The following DIRAS3 variants were observed in gnomAD, a reference collection of about 807,000 sequenced individuals.
The protein encoded by DIRAS3 is GTP-binding protein Di-Ras3.
For synonymous variants in DIRAS3, 133 were observed against 131.4 expected (o/e 1.01, Z -0.08); for missense variants, 248 against 300.6 (o/e 0.83, Z 1.29).
At chr1:68,048,317 A>G (rs1645699442) in intron 1 of DIRAS3, among the ~76,000 whole-genome samples, 1 of 152,004 alleles carries the variant, frequency 6.6e-6, no homozygotes. Context: ...TCACAGGTAT[A>G]TCCTAAATAC....
At position 68,050,087 on chromosome 1, in the gene DIRAS3, G is replaced by T. The variant is rs1645718916; in HGVS notation, c.-66+461C>A. Among the ~76,000 whole-genome samples the T allele has an allele frequency of 6.6e-6, 1 of 151,854 alleles. No homozygotes were observed. The highest frequency in any genetic ancestry group is 1.5e-5 in the Non-Finnish European group (1 of 68,004). ...ACCCAGCGGCCGTGCGGAGCTCAAG[G>T]TCCCGCCGCTGCTGTTGCGGCACCA... On this transcript the variant is annotated intron_variant, in intron 1 of 1. Transcript: ENST00000646789. The surrounding 1 kb of genome is among the most constrained non-coding windows in gnomAD (Gnocchi z 4.5).
At chr1:68,048,320 C>T (rs1645699510) in intron 1 of DIRAS3, among the ~76,000 whole-genome samples, 2 of 151,798 alleles carry the variant, frequency 1.3e-5, no homozygotes, top group Non-Finnish European at 2.9e-5. Context: ...CAGGTATATC[C>T]TAAATACCAG....
chr1:68,047,246 G>A lies in DIRAS3; in HGVS notation c.52C>T (p.Arg18Trp), dbSNP rs201640477. 2.5e-6 allele frequency: 4 copies of A among 1,613,906 alleles called. No homozygotes were observed. The highest frequency in any genetic ancestry group is 3.3e-5 in the Admixed American group (2 of 60,028). ...AGGATAAGCAGGGCGGGCAGAAGCC[G>A]CAACCGCTTCAGCAGCTTCTGTTCC... ...SKEQKLLKRLRLLPALLILRA... is the reference protein window; with the variant it reads ...SKEQKLLKRLWLLPALLILRA... The change falls in exon 2 of 2, where the codon CGG becomes TGG. Residue 18 changes from arginine (R) to tryptophan (W), a missense_variant. By Grantham distance (101) the Arg-to-Trp change is moderately radical. Coordinates refer to ENST00000646789, the MANE Select transcript of DIRAS3 (RefSeq NM_004675.5).
Position 68,050,015 on chromosome 1 carries a change from C to T in DIRAS3, c.-66+533G>A, listed in dbSNP as rs1645718055. On this transcript the variant is annotated intron_variant, in intron 1 of 1. Transcript: ENST00000646789. The surrounding 1 kb of genome is among the most constrained non-coding windows in gnomAD (Gnocchi z 4.5). ...TCCACCTTCCCAGGCCACCTGGCCT[C>T]AGGCTGAGGGGGAGGTGAAAGTTTC... Among the ~76,000 whole-genome samples the T allele has an allele frequency of 6.7e-6, 1 of 149,778 alleles. No individual in the cohort carries two copies. Among genetic ancestry groups the T allele is most frequent in the Non-Finnish European group, 1.5e-5 (1 of 67,562 alleles).
In DIRAS3 at chr1:68,047,159, C is replaced by T. The variant is rs1484264302; in HGVS notation, c.139G>A (p.Gly47Ser). 1 of 1,614,162 alleles carries T rather than the reference C, an allele frequency of 6.2e-7. No homozygotes were observed. Among genetic ancestry groups the T allele is most frequent in the Admixed American group, 1.7e-5 (1 of 60,026 alleles). The change falls in exon 2 of 2, where the codon GGT (glycine) becomes AGT (serine). Residue 47 changes from glycine (G) to serine (S), a missense_variant. Physicochemically the swap from Gly to Ser is moderately conservative, Grantham distance 56 (BLOSUM62 0). Coordinates refer to ENST00000646789, the MANE Select transcript of DIRAS3 (RefSeq NM_004675.5). ...TGCAGCAGCGTACTTTTCCCCACAC[C>T]AGCGGTGCCGACTACCACGACGCGG... Reference protein sequence around the residue: ...DYRVVVVGTAGVGKSTLLHKW... With the variant: ...DYRVVVVGTASVGKSTLLHKW...
chr1:68,047,495 G>T (rs1047981429), intron 1 of DIRAS3, 133 bp from the exon 2 acceptor site: 6 of 593,718 alleles, frequency 1.0e-5, no homozygotes, highest in Non-Finnish European at 1.8e-5. Context: ...TGCACACAGC[G>T]AGAAGAAAAT....
intron 1 of DIRAS3, among the ~76,000 whole-genome samples, chr1:68,048,049 A>AATATAT (rs57871159): frequency 0.13 from 960 of 7,248 alleles, 141 homozygotes; most frequent in South Asian, 0.18. Context: ...AAAAAAAAAA[A>AATATAT]ATATATATAT....
rs1172564991 is a variant in DIRAS3, at chr1:68,046,599, G to C, written c.*9C>G. 6.2e-7 allele frequency: 1 copy of C among 1,612,570 alleles called. No homozygotes were observed. Among genetic ancestry groups the C allele is most frequent in the Non-Finnish European group, 8.5e-7 (1 of 1,179,276 alleles). ...AGGATAGGAAGAGCTGGCTCTTAAG[G>C]CCCAGGGCTCACATGATTATGCACT... On this transcript the variant is annotated 3_prime_UTR_variant, in exon 2 of 2. Coordinates refer to ENST00000646789, the MANE Select transcript of DIRAS3 (RefSeq NM_004675.5).
At position 68,046,550 on chromosome 1, in the gene DIRAS3, G is replaced by A. The variant is rs1391656537; in HGVS notation, c.*58C>T. ...CCATGTACATGTAACATAGTGAAAT[G>A]AGTCCACGTTTTCTACACGCTACAG... On this transcript the variant is annotated 3_prime_UTR_variant, in exon 2 of 2. Transcript: ENST00000646789. 4 of 1,483,194 alleles carry A rather than the reference G, an allele frequency of 2.7e-6. No individual in the cohort carries two copies. In the East Asian group the frequency reaches 6.8e-5, roughly 25 times the overall value. 91.9% of individuals were successfully genotyped at this position (1,483,194 alleles called of 1,614,324 possible). A position where few individuals can be genotyped will look rare whatever the true frequency, so the allele number is the denominator to read the frequency against.
chr1:68,048,735 T>C (rs1253940046), intron 1 of DIRAS3, among the ~76,000 whole-genome samples: 1 of 129,714 alleles, frequency 7.7e-6, no homozygotes, highest in Non-Finnish European at 1.6e-5. Flanking sequence ...GTGGTGGTTT[T>C]TTTTTTTTTG....
intron 1 of DIRAS3, among the ~76,000 whole-genome samples, chr1:68,048,554 C>T (rs1200260526): frequency 6.6e-6 from 1 of 152,108 alleles, no homozygotes; most frequent in Non-Finnish European, 1.5e-5. Flanking sequence ...GTGTCATGTA[C>T]AATACCAGAA....
intron 1 of DIRAS3, among the ~76,000 whole-genome samples, chr1:68,049,037 C>T (rs1005305521): frequency 2.0e-5 from 3 of 151,830 alleles, no homozygotes; most frequent in Non-Finnish European, 4.4e-5. Context: ...AACATACCCA[C>T]CCCATATTAG....
rs890491489 is a variant in DIRAS3 at position 68,046,279 on chromosome 1, G to A, written c.*329C>T. ...ATACACAATAATCGGGTTACCAAAA[G>A]GACGCCTTCCAATTTTTCTTTCTAT... On this transcript the variant is annotated 3_prime_UTR_variant, in exon 2 of 2. Coordinates refer to ENST00000646789, the MANE Select transcript of DIRAS3 (RefSeq NM_004675.5). The A allele has an allele frequency of 1.4e-4, 30 of 209,876 alleles. No homozygotes were observed. The highest frequency in any genetic ancestry group is 6.3e-4 in the African/African-American group (27 of 43,066). The allele number at this position is 209,876 out of a possible 1,614,324, so 13.0% of individuals were successfully genotyped here. A position where few individuals can be genotyped will look rare whatever the true frequency, so the allele number is the denominator to read the frequency against.
intron 1 of DIRAS3, among the ~76,000 whole-genome samples, chr1:68,048,052 ATATAT>A (rs1557689681): frequency 5.3e-5 from 4 of 74,858 alleles, no homozygotes; most frequent in Non-Finnish European, 7.7e-5. Flanking sequence ...AAAAAAAAAT[ATATAT>A]ATATATATAT....
In DIRAS3 at chr1:68,050,543, CT is replaced by C. The variant is rs1476607740; in HGVS notation, c.-66+4del. The C allele has an allele frequency of 4.6e-5, 7 of 152,220 alleles. No homozygotes were observed. Among genetic ancestry groups the C allele is most frequent in the African/African-American group, 7.2e-5 (3 of 41,442 alleles). 9.4% of individuals were successfully genotyped at this position (152,220 alleles called of 1,614,324 possible). A position where few individuals can be genotyped will look rare whatever the true frequency, so the allele number is the denominator to read the frequency against. Reference sequence around the variant, plus strand: ...TACCCCTAAAAAAGCGAAAGAAAGACTTACCTTTCTCGGAGGCACGAACCAA... The same window carrying C: ...TACCCCTAAAAAAGCGAAAGAAAGACTACCTTTCTCGGAGGCACGAACCAA... On this transcript the variant is annotated splice_donor_region_variant and intron_variant, in intron 1 of 1. Coordinates refer to ENST00000646789, the MANE Select transcript of DIRAS3 (RefSeq NM_004675.5). This position sits in a 1 kb window ranked among gnomAD's most constrained non-coding sequence, Gnocchi z 4.5.
chr1:68,047,232 G>A lies in DIRAS3; in HGVS notation c.66C>T (p.Ala22=). The A allele has an allele frequency of 6.2e-7, 1 of 1,613,718 alleles. No individual in the cohort carries two copies. The highest frequency in any genetic ancestry group is 8.5e-7 in the Non-Finnish European group (1 of 1,180,038). ...GCTTGAAGGCGCGGAGGATAAGCAG[G>A]GCGGGCAGAAGCCGCAACCGCTTCA... ...KLLKRLRLLP[A]LLILRAFKPH... The change falls in exon 2 of 2, where the codon GCC becomes GCT. Residue 22 remains alanine (A), a synonymous_variant. Transcript: ENST00000646789.
At chr1:68,049,699 G>A (rs1314118165) in intron 1 of DIRAS3, 1 of 152,060 alleles carries the variant, frequency 6.6e-6, no homozygotes, top group African/African-American at 2.4e-5. Context: ...ATTACTTCCT[G>A]CTCTAGGGGA....
chr1:68,048,731 GTT>G (rs869104563), intron 1 of DIRAS3, among the ~76,000 whole-genome samples: 58 of 119,332 alleles, frequency 4.9e-4, no homozygotes, highest in African/African-American at 2.0e-3. Flanking sequence ...TTTGGTGGTG[GTT>G]TTTTTTTTTT....
chr1:68,048,740 T>TG (rs945849353), intron 1 of DIRAS3, among the ~76,000 whole-genome samples: 1 of 129,114 alleles, frequency 7.7e-6, no homozygotes, highest in African/African-American at 3.9e-5. Flanking sequence ...GGTTTTTTTT[T>TG]TTTTGTTTTT....
Sources: gnomAD v4.1 joint callset for allele counts (sites outside exome capture counted in the v4.1 genomes callset) on GRCh38, gnomAD v4.1.1 for gene constraint, Gnocchi (gnomAD v3.1) non-coding constraint, MANE v1.5 for transcripts, NCBI Gene and HGNC (gene_info 2026-07-23, HGNC 2026-07-21) for gene names.